Variants in ZNF385D observed in about 807,000 individuals in gnomAD.
ZNF385D encodes zinc finger protein 385D, also known as zinc finger protein 659.
ZNF385D carries 15 observed loss-of-function variants against 35.8 expected under a neutral mutation model. The ratio of observed to expected loss-of-function variants is 0.42; its 90% CI spans 0.28 to 0.64. The LOEUF is 0.64. Ranked by LOEUF, ZNF385D falls within the 30% of genes least tolerant of loss-of-function variation. The pLI is 0.23. For missense variants in ZNF385D, 474 were observed against 494.6 expected, an observed-to-expected ratio of 0.96 and a Z score of 0.39; for synonymous variants, 212 against 186.8, an observed-to-expected ratio of 1.13 and a Z score of -1.10.
intron 3 of ZNF385D, among the ~76,000 whole-genome samples, chr3:21,987,435 T>G (rs1427190187): frequency 6.8e-5 from 8 of 116,846 alleles, no homozygotes; most frequent in African/African-American, 2.5e-4. Flanking sequence ...TGAAGCTTAG[T>G]TTGGCTGGAT....
intron 2 of ZNF385D, among the ~76,000 whole-genome samples, chr3:22,273,089 A>C (rs1015644575): frequency 1.3e-5 from 2 of 152,030 alleles, no homozygotes; most frequent in Admixed American, 1.3e-4. Flanking sequence ...AAAAAAGAGA[A>C]AATAGGCAAA....
intron 2 of ZNF385D, among the ~76,000 whole-genome samples, chr3:21,578,815 G>T (rs2063568781): frequency 6.6e-6 from 1 of 151,900 alleles, no homozygotes; most frequent in Non-Finnish European, 1.5e-5. Context: ...TGGCTATTTG[G>T]GGTCTTTTGT....
intron 3 of ZNF385D, among the ~76,000 whole-genome samples, chr3:21,941,590 C>T (rs1036111528): frequency 6.9e-6 from 1 of 145,630 alleles, no homozygotes; most frequent in Non-Finnish European, 1.5e-5. Context: ...CTCCGCCTCC[C>T]GGGTTCACGC....
chr3:21,779,421 TAA>T (rs2071410023), intron 3 of ZNF385D, among the ~76,000 whole-genome samples: 1 of 151,866 alleles, frequency 6.6e-6, no homozygotes, highest in African/African-American at 2.4e-5. Flanking sequence ...AAAAAAACAT[TAA>T]AGAGAGCGGA....
At chr3:21,809,223 T>C (rs2072794384) in intron 3 of ZNF385D, among the ~76,000 whole-genome samples, 1 of 151,946 alleles carries the variant, frequency 6.6e-6, no homozygotes, top group Non-Finnish European at 1.5e-5. Flanking sequence ...TAACTACTCT[T>C]GAAAAAATGG....
chr3:22,153,079 T>G (rs1705350400), intron 3 of ZNF385D, among the ~76,000 whole-genome samples: 1 of 152,174 alleles, frequency 6.6e-6, no homozygotes, highest in Non-Finnish European at 1.5e-5. Context: ...AACTGACCAA[T>G]GTACTACTGC....
chr3:22,309,758 T>C (rs1703435478), intron 2 of ZNF385D, among the ~76,000 whole-genome samples: 1 of 151,994 alleles, frequency 6.6e-6, no homozygotes, highest in African/African-American at 2.4e-5. Flanking sequence ...GTATTCTCTC[T>C]CTCTTCCTTG....
intron 1 of ZNF385D, among the ~76,000 whole-genome samples, chr3:21,666,288 A>G (rs1317101964): frequency 6.6e-6 from 1 of 152,194 alleles, no homozygotes; most frequent in Non-Finnish European, 1.5e-5. Flanking sequence ...AACAAGGTAG[A>G]TGACTTAGTA....
At chr3:22,049,223 G>C (rs1035217241) in intron 3 of ZNF385D, among the ~76,000 whole-genome samples, 2 of 151,678 alleles carry the variant, frequency 1.3e-5, no homozygotes, top group East Asian at 1.9e-4. Flanking sequence ...TTGAACCTGG[G>C]AGGCAGAGGT....
At position 22,149,757 on chromosome 3, in the gene ZNF385D, C is replaced by T. The variant is rs369938724; in HGVS notation, c.325+19060G>A. 4.6e-5 allele frequency among the ~76,000 whole-genome samples: 7 copies of T among 152,278 alleles called. No individual in the cohort carries two copies. In the South Asian group the frequency reaches 1.2e-3, roughly 27 times the overall value. The stretch of plus-strand genomic sequence containing the variant: ...TTCCCAGAGTTGTTGCTGATTTTCT[C>T]CCTTCTTTCCCAGACCACCTGCAAA... On this transcript the variant is annotated intron_variant, in intron 3 of 5. Coordinates refer to the ZNF385D transcript ENST00000494108.
At chr3:21,801,321 G>GTAA (rs1371616325) in intron 3 of ZNF385D, among the ~76,000 whole-genome samples, 1 of 152,082 alleles carries the variant, frequency 6.6e-6, no homozygotes, top group Non-Finnish European at 1.5e-5. Flanking sequence ...TGATATCAGG[G>GTAA]TAATACTGGA....
At chr3:21,975,459 G>C (rs1269876660) in intron 3 of ZNF385D, among the ~76,000 whole-genome samples, 1 of 151,996 alleles carries the variant, frequency 6.6e-6, no homozygotes, top group Admixed American at 6.6e-5. Context: ...TGGTTAGATA[G>C]AATGAATAAG....
intron 3 of ZNF385D, among the ~76,000 whole-genome samples, chr3:22,018,159 C>T (rs1377980377): frequency 2.0e-5 from 3 of 151,264 alleles, no homozygotes; most frequent in African/African-American, 7.3e-5. Flanking sequence ...AAAAAATATT[C>T]TCTGTGTTTT....
intron 2 of ZNF385D, among the ~76,000 whole-genome samples, chr3:22,222,473 C>T (rs1698316733): frequency 6.6e-6 from 1 of 152,118 alleles, no homozygotes; most frequent in African/African-American, 2.4e-5. Context: ...AGGAAATGGT[C>T]ATTTCTTCAT....
chr3:22,273,299 A>C (rs778975335), intron 2 of ZNF385D, among the ~76,000 whole-genome samples: 1 of 152,010 alleles, frequency 6.6e-6, no homozygotes, highest in African/African-American at 2.4e-5. Context: ...CTGCACAGTA[A>C]ACTAGTAACA....
At chr3:21,884,432 G>T (rs1297008100) in intron 3 of ZNF385D, among the ~76,000 whole-genome samples, 1 of 151,918 alleles carries the variant, frequency 6.6e-6, no homozygotes, top group East Asian at 1.9e-4. Flanking sequence ...TAGTTGTGTG[G>T]CCTCAACTCT....
At chr3:21,524,101 T>C (rs1708075320) in intron 3 of ZNF385D, among the ~76,000 whole-genome samples, 1 of 152,200 alleles carries the variant, frequency 6.6e-6, no homozygotes, top group Non-Finnish European at 1.5e-5. Context: ...CCTAGAATGG[T>C]TGATATTCAA....
chr3:21,856,881 G>A (rs889962493), intron 3 of ZNF385D, among the ~76,000 whole-genome samples: 3 of 152,098 alleles, frequency 2.0e-5, no homozygotes, highest in Admixed American at 1.3e-4. Flanking sequence ...CCAAATCACT[G>A]TCTTAGAAAT....
At chr3:21,682,728 CTT>C (rs142470719) in intron 1 of ZNF385D, among the ~76,000 whole-genome samples, 4 of 143,046 alleles carry the variant, frequency 2.8e-5, no homozygotes, top group African/African-American at 1.0e-4. Flanking sequence ...AGAAGACAAA[CTT>C]TTTTTTTTTT....
Sources: allele counts gnomAD v4.1 joint callset (sites outside exome capture counted in the v4.1 genomes callset), GRCh38; gene constraint gnomAD v4.1.1; transcripts MANE v1.5; gene names NCBI Gene and HGNC (gene_info 2026-07-23, HGNC 2026-07-21).